The following DAB1 variants were observed in gnomAD, a reference collection of about 807,000 sequenced individuals.
DAB1 encodes the protein DAB adaptor protein 1, also known as disabled homolog 1.
Under a neutral mutation model 64.6 loss-of-function variants are expected in DAB1, and 15 were observed. The observed-to-expected ratio is 0.23, with a 90% CI of 0.16 to 0.36. The LOEUF is 0.36. Ranked by LOEUF, DAB1 falls within the 10% of genes least tolerant of loss-of-function variation. DAB1 has a pLI of 1.00. For synonymous variants in DAB1, 235 were observed against 251.9 expected, an observed-to-expected ratio of 0.93 and a Z score of 0.64; for missense variants, 596 against 706.7, an observed-to-expected ratio of 0.84 and a Z score of 1.78.
In DAB1 at chr1:57,578,995, T is replaced by C. The variant is rs570758095; in HGVS notation, n.625+70597A>G. Among the ~76,000 whole-genome samples, 5 of 152,298 alleles carry C rather than the reference T, an allele frequency of 3.3e-5. No homozygotes were observed. In the South Asian group the frequency reaches 8.3e-4, roughly 25 times the overall value. On this transcript the variant is annotated intron_variant and non_coding_transcript_variant, in intron 7 of 20. Transcript: ENST00000485760. Reference sequence around the variant, plus strand: ...CAAAGCTCCAGCTACTTTGGATGAATTGGATTTCCAAATAAAGAAAAACTA... The same window carrying C: ...CAAAGCTCCAGCTACTTTGGATGAACTGGATTTCCAAATAAAGAAAAACTA...
intron 1 of DAB1, among the ~76,000 whole-genome samples, chr1:57,856,123 C>T (rs1369283922): frequency 6.6e-6 from 1 of 152,114 alleles, no homozygotes; most frequent in Non-Finnish European, 1.5e-5. Flanking sequence ...TATCCACAGC[C>T]CTGGGACTGG....
At chr1:58,096,740 G>C (rs780374929) in intron 5 of DAB1, among the ~76,000 whole-genome samples, 1 of 152,210 alleles carries the variant, frequency 6.6e-6, no homozygotes, top group Non-Finnish European at 1.5e-5. Flanking sequence ...TGAGGGCAAA[G>C]AGCCAATATA....
At chr1:57,553,198 T>C (rs539294134) in intron 7 of DAB1, among the ~76,000 whole-genome samples, 1 of 151,712 alleles carries the variant, frequency 6.6e-6, no homozygotes, top group East Asian at 1.9e-4. Flanking sequence ...TACTTAGGAT[T>C]AGGAATATGG....
chr1:58,018,351 G>A (rs548379383), intron 5 of DAB1, among the ~76,000 whole-genome samples: 3 of 152,212 alleles, frequency 2.0e-5, no homozygotes, highest in Admixed American at 6.5e-5. Context: ...ATGTCCCCAG[G>A]TCTTAGAGAG....
At chr1:57,355,419 T>C (rs1679016719) in intron 1 of DAB1, among the ~76,000 whole-genome samples, 2 of 151,768 alleles carry the variant, frequency 1.3e-5, no homozygotes, top group Non-Finnish European at 2.9e-5. Flanking sequence ...CTTCCACATT[T>C]ATTAAGCACT....
chr1:57,670,750 C>T (rs1489921857), intron 6 of DAB1, among the ~76,000 whole-genome samples: 1 of 152,044 alleles, frequency 6.6e-6, no homozygotes, highest in African/African-American at 2.4e-5. Context: ...GAACCTGTTG[C>T]ATAATGTAAA....
At chr1:58,218,370 G>T (rs1226738628) in intron 4 of DAB1, among the ~76,000 whole-genome samples, 4 of 152,178 alleles carry the variant, frequency 2.6e-5, no homozygotes, top group African/African-American at 4.8e-5. Context: ...TAGGGTCAGG[G>T]TTGAGCCAAG....
intron 3 of DAB1, among the ~76,000 whole-genome samples, chr1:58,474,686 G>A (rs1645401923): frequency 2.0e-5 from 3 of 152,240 alleles, no homozygotes; most frequent in Admixed American, 6.5e-5. Context: ...TATGGAGCAG[G>A]AGAAATGCTC....
intron 4 of DAB1, among the ~76,000 whole-genome samples, chr1:58,265,914 A>T (rs143160534): frequency 1.3e-5 from 2 of 152,288 alleles, no homozygotes; most frequent in African/African-American, 4.8e-5. Context: ...CAGCCCTCTC[A>T]TCCAGGAGGT....
chr1:57,787,833 AT>A (rs138061211), intron 6 of DAB1, among the ~76,000 whole-genome samples: 10,062 of 152,120 alleles, frequency 0.066, 1,164 homozygotes, highest in African/African-American at 0.23. Context: ...AGACAACACA[AT>A]TTTTAAAATG....
intron 4 of DAB1, among the ~76,000 whole-genome samples, chr1:58,330,679 G>A (rs1662949663): frequency 6.6e-6 from 1 of 152,126 alleles, no homozygotes; most frequent in Non-Finnish European, 1.5e-5. Flanking sequence ...GGGCCTTTAA[G>A]AATTATGTTA....
At chr1:58,180,292 T>TTTTTTTTTTTTTTTTTTTTTTTTC (rs1557684542) in intron 4 of DAB1, among the ~76,000 whole-genome samples, 1 of 123,832 alleles carries the variant, frequency 8.1e-6, no homozygotes, top group African/African-American at 3.1e-5. Context: ...TTTTTTTTTT[T>TTTTTTTTTTTTTTTTTTTTTTTTC]TTTTTTTTTT....
intron 1 of DAB1, among the ~76,000 whole-genome samples, chr1:57,306,433 C>T (rs958060624): frequency 3.3e-5 from 5 of 151,938 alleles, no homozygotes; most frequent in Admixed American, 3.3e-4. Flanking sequence ...TTGAAATCCC[C>T]ACAATACTAT....
chr1:58,107,084 A>T (rs1445059448), intron 5 of DAB1, among the ~76,000 whole-genome samples: 4 of 132,134 alleles, frequency 3.0e-5, no homozygotes, highest in Non-Finnish European at 4.7e-5. Flanking sequence ...AATAGCTAGT[A>T]AAAAAAAACC....
At chr1:58,430,816 T>C (rs909781662) in intron 3 of DAB1, among the ~76,000 whole-genome samples, 13 of 152,218 alleles carry the variant, frequency 8.5e-5, no homozygotes, top group Non-Finnish European at 1.3e-4. Context: ...GACTGACAAC[T>C]TGGGTTTCCT....
intron 5 of DAB1, among the ~76,000 whole-genome samples, chr1:58,053,841 G>C (rs1204986448): frequency 6.6e-6 from 1 of 152,134 alleles, no homozygotes; most frequent in African/African-American, 2.4e-5. Flanking sequence ...AATCAATGCT[G>C]TACTACCATA....
At chr1:58,460,123 G>A (rs183420609) in intron 3 of DAB1, among the ~76,000 whole-genome samples, 1 of 152,212 alleles carries the variant, frequency 6.6e-6, no homozygotes, top group Admixed American at 6.5e-5. Flanking sequence ...TAAGTGCCCA[G>A]AGCTCCCTTT....
chr1:57,891,877 G>A (rs2101983404), intron 5 of DAB1, among the ~76,000 whole-genome samples: 1 of 152,290 alleles, frequency 6.6e-6, no homozygotes, highest in South Asian at 2.1e-4. Context: ...ATAGCATTAG[G>A]AGAAATATTT....
At chr1:57,638,195 T>A (rs1646081780) in intron 7 of DAB1, among the ~76,000 whole-genome samples, 1 of 152,222 alleles carries the variant, frequency 6.6e-6, no homozygotes, top group Non-Finnish European at 1.5e-5. Context: ...TAGATTAGTT[T>A]TAACATTAAA....
Sources: allele counts gnomAD v4.1 joint callset (sites outside exome capture counted in the v4.1 genomes callset), GRCh38; gene constraint gnomAD v4.1.1; transcripts MANE v1.5; gene names NCBI Gene and HGNC (gene_info 2026-07-23, HGNC 2026-07-21).